The following VSIR variants were observed in gnomAD, a reference collection of about 807,000 sequenced individuals.
VSIR encodes the protein V-set immunoregulatory receptor.
A neutral mutation model predicts 31.0 loss-of-function variants in VSIR; 10 were observed. The ratio of observed to expected loss-of-function variants is 0.32; its 90% CI spans 0.20 to 0.55. The LOEUF is 0.55. VSIR is among the 20% of genes least tolerant of loss of function. The pLI, the probability that VSIR is intolerant of heterozygous loss-of-function variation, is 0.93. For synonymous variants in VSIR, 179 were observed against 180.1 expected (o/e 0.99, Z 0.05); for missense variants, 356 against 416.2 (o/e 0.86, Z 1.26).
intron 1 of VSIR, among the ~76,000 whole-genome samples, chr10:71,769,027 A>C (rs1000748766): frequency 2.0e-5 from 3 of 152,068 alleles, no homozygotes; most frequent in Admixed American, 6.5e-5. Context: ...TGGAGGCCCC[A>C]CCTCCTTCTT....
intron 1 of VSIR, among the ~76,000 whole-genome samples, chr10:71,766,218 A>G (rs1021997896): frequency 1.3e-5 from 2 of 152,224 alleles, no homozygotes; most frequent in Admixed American, 1.3e-4. Flanking sequence ...GAGACCGGGA[A>G]AAGTGGGTGG....
At position 71,750,944 on chromosome 10, in the gene VSIR, G is replaced by T. The variant is rs1036801935; in HGVS notation, c.*309C>A. Reference sequence around the variant, plus strand: ...CTCATGTCTCAGAACGAGAGCTGCTGAAGGGCTGGACGTTCTGAGACTTCT... The same window carrying T: ...CTCATGTCTCAGAACGAGAGCTGCTTAAGGGCTGGACGTTCTGAGACTTCT... On this transcript the variant is annotated 3_prime_UTR_variant, in exon 7 of 7. Transcript: ENST00000394957. The T allele has an allele frequency of 3.1e-6, 1 of 327,662 alleles. No individual in the cohort carries two copies. The highest frequency in any genetic ancestry group is 4.8e-5 in the Admixed American group (1 of 20,910). 20.3% of individuals were successfully genotyped at this position (327,662 alleles called of 1,614,324 possible).
chr10:71,752,871 C>G, intron 5 of VSIR, 104 bp downstream of exon 5: 1 of 1,357,960 alleles, frequency 7.4e-7, no homozygotes, highest in Non-Finnish European at 1.0e-6. Flanking sequence ...GCTCTTCTGA[C>G]CAGCTGCTCT....
At chr10:71,760,603 G>A (rs2132887288) in intron 3 of VSIR, 1 of 435,308 alleles carries the variant, frequency 2.3e-6, no homozygotes, top group South Asian at 3.1e-5. Flanking sequence ...TGAGGCACTT[G>A]CCCTGGCCAA....
Position 71,751,243 on chromosome 10 carries a change from C to G in VSIR, c.*10G>C. The G allele has an allele frequency of 6.2e-7, 1 of 1,606,824 alleles. No homozygotes were observed. Among genetic ancestry groups the G allele is most frequent in the Non-Finnish European group, 8.5e-7 (1 of 1,176,158 alleles). ...ACCCAGCCACAACAGCCCACTGTCC[C>G]CCAGCTGGGCTAGATGACCTCAAAG... is the stretch of plus-strand genomic sequence containing the variant. On this transcript the variant is annotated 3_prime_UTR_variant, in exon 7 of 7. Coordinates refer to ENST00000394957, the MANE Select transcript of VSIR (RefSeq NM_022153.2). The surrounding 1 kb of genome is among the most constrained non-coding windows in gnomAD (Gnocchi z 4.9).
chr10:71,768,235 A>G (rs566270362), intron 1 of VSIR, among the ~76,000 whole-genome samples: 1 of 152,138 alleles, frequency 6.6e-6, no homozygotes, highest in African/African-American at 2.4e-5. Context: ...CAGTGGTGCA[A>G]TCTCAGCTCA....
At chr10:71,761,510 T>G (rs1840383605) in intron 2 of VSIR, 88 bp downstream of exon 2, 1 of 1,407,900 alleles carries the variant, frequency 7.1e-7, no homozygotes, top group South Asian at 1.5e-5. Context: ...AGCCTCACAC[T>G]CTGCCCAGCA....
chr10:71,771,102 C>A (rs1840673680), intron 1 of VSIR, among the ~76,000 whole-genome samples: 1 of 152,162 alleles, frequency 6.6e-6, no homozygotes, highest in Non-Finnish European at 1.5e-5. Flanking sequence ...GTGCTAGTCC[C>A]AGAGGTTGGG....
intron 1 of VSIR, among the ~76,000 whole-genome samples, chr10:71,764,791 T>G (rs570297225): frequency 1.4e-3 from 217 of 152,350 alleles, no homozygotes; most frequent in African/African-American, 4.7e-3. Flanking sequence ...GGGACTCTAC[T>G]GCCCAAACCC....
At chr10:71,765,466 A>G (rs1467808698) in intron 1 of VSIR, among the ~76,000 whole-genome samples, 1 of 152,172 alleles carries the variant, frequency 6.6e-6, no homozygotes, top group Non-Finnish European at 1.5e-5. Context: ...GGTGTGGACA[A>G]GTGGGGCTAG....
rs548050564 is a variant in VSIR, at chr10:71,764,662, G to A, written c.83-2636C>T. ...CCGGCACTCCAGTTCGCCAGAGTCCGTCCGTACTACTCCCTAATAATTCCA... is the reference window on the plus strand; with the variant it reads ...CCGGCACTCCAGTTCGCCAGAGTCCATCCGTACTACTCCCTAATAATTCCA... On this transcript the variant is annotated intron_variant, in intron 1 of 6. Transcript: ENST00000394957. Among the ~76,000 whole-genome samples, 25 of 152,282 alleles carry A rather than the reference G, an allele frequency of 1.6e-4. No homozygotes were observed. The South Asian group carries it at 3.3e-3, about 20-fold the overall frequency.
At chr10:71,752,676 T>A (rs928440420) in intron 5 of VSIR, among the ~76,000 whole-genome samples, 28 of 152,124 alleles carry the variant, frequency 1.8e-4, no homozygotes, top group African/African-American at 6.5e-4. Flanking sequence ...CTCCTTTGCA[T>A]GTCTCACTGT....
chr10:71,751,973 A>T lies in VSIR; in HGVS notation c.705-112T>A. ...TTCTCTCACCTACATCCCCATCCCC[A>T]AGCCTCAGCAGCATCTCCAAGCAAG... On this transcript the variant is annotated intron_variant, in intron 5 of 6. Coordinates refer to ENST00000394957, the MANE Select transcript of VSIR (RefSeq NM_022153.2). This position sits in a 1 kb window ranked among gnomAD's most constrained non-coding sequence, Gnocchi z 4.9. 8.7e-7 allele frequency: 1 copy of T among 1,155,794 alleles called. No individual in the cohort carries two copies. The highest frequency in any genetic ancestry group is 1.2e-6 in the Non-Finnish European group (1 of 801,250). 71.6% of individuals were successfully genotyped at this position (1,155,794 alleles called of 1,614,324 possible).
intron 1 of VSIR, among the ~76,000 whole-genome samples, chr10:71,769,996 G>A (rs1007169508): frequency 2.0e-5 from 3 of 152,146 alleles, no homozygotes; most frequent in Non-Finnish European, 1.5e-5. Context: ...CACCTCCATG[G>A]GCATTTCAGA....
Position 71,748,595 on chromosome 10 carries a change from A to G in VSIR, c.*2658T>C, listed in dbSNP as rs1447694345. The G allele has an allele frequency of 1.3e-5, 2 of 152,242 alleles. No individual in the cohort carries two copies. Among genetic ancestry groups the G allele is most frequent in the Non-Finnish European group, 2.9e-5 (2 of 68,048 alleles). The allele number at this position is 152,242 out of a possible 1,614,324, so 9.4% of individuals were successfully genotyped here. ...CTAATTCCTGATTGATCTCCTAACA[A>G]TGAATTAGTTCTTAAAAGCATGGAT... On this transcript the variant is annotated 3_prime_UTR_variant, in exon 7 of 7. Transcript: ENST00000394957.
chr10:71,773,365 C>T lies in VSIR; in HGVS notation c.75G>A (p.Ala25=), dbSNP rs775132902. 1.9e-6 allele frequency: 3 copies of T among 1,607,958 alleles called. No homozygotes were observed. Among genetic ancestry groups the T allele is most frequent in the Admixed American group, 1.7e-5 (1 of 59,544 alleles). ...GSLLFALFLA[A]SLGPVAAFKV... ...CGCCTCCCCCGACCTTACCTAGGGA[C>T]GCAGCCAGGAAGAGAGCGAAGAGCA... is the stretch of plus-strand genomic sequence containing the variant. The change falls in exon 1 of 7, where the codon GCG becomes GCA. Residue 25 remains alanine (A), a synonymous_variant. Coordinates refer to ENST00000394957, the MANE Select transcript of VSIR (RefSeq NM_022153.2).
Position 71,755,399 on chromosome 10 carries a change from C to T in VSIR, c.636G>A (p.Leu212=). 1 of 1,613,412 alleles carries T rather than the reference C, an allele frequency of 6.2e-7. No homozygotes were observed. Among genetic ancestry groups the T allele is most frequent in the Non-Finnish European group, 8.5e-7 (1 of 1,179,852 alleles). The change falls in exon 4 of 7, where the codon CTG becomes CTA. Residue 212 remains leucine, a synonymous_variant. Transcript: ENST00000394957. ...IVGILCLPLI[L]LLVYKQRQAA... Reference sequence around the variant, plus strand: ...CCTGCCTTTGCTTGTAGACCAGGAGCAGGATGAGGGGGAGGCAGAGGATTC... The same window carrying T: ...CCTGCCTTTGCTTGTAGACCAGGAGTAGGATGAGGGGGAGGCAGAGGATTC...
intron 5 of VSIR, 82 bp downstream of exon 5, chr10:71,752,893 C>T: frequency 1.3e-6 from 2 of 1,511,354 alleles, no homozygotes; most frequent in South Asian, 1.2e-5. Context: ...GGCAGCTAAA[C>T]AGGGCCCCTA....
chr10:71,759,120 C>T (rs1840226081), intron 3 of VSIR, among the ~76,000 whole-genome samples: 1 of 152,014 alleles, frequency 6.6e-6, no homozygotes, highest in Non-Finnish European at 1.5e-5. Context: ...TCACTGTAAC[C>T]TCTGACTCCC....
Sources: gnomAD v4.1 joint callset for allele counts (sites outside exome capture counted in the v4.1 genomes callset) on GRCh38, gnomAD v4.1.1 for gene constraint, Gnocchi (gnomAD v3.1) non-coding constraint, MANE v1.5 for transcripts, NCBI Gene and HGNC (gene_info 2026-07-23, HGNC 2026-07-21) for gene names.